ULK4: variants seen among roughly 807,000 people sequenced by gnomAD.
The protein encoded by ULK4 is unc-51 like kinase 4.
In ULK4, 133 loss-of-function variants were observed where a neutral mutation model predicts 160.6. The observed-to-expected ratio is 0.83, with a 90% CI of 0.72 to 0.96. ULK4 has a LOEUF of 0.96. Among genes scored for constraint, ULK4 ranks in the 40% least tolerant of loss-of-function variants. ULK4 has a pLI of 0.00. For missense variants in ULK4, 1,580 were observed against 1,499.5 expected (o/e 1.05, Z -0.89); for synonymous variants, 534 against 539.8 (o/e 0.99, Z 0.15).
At chr3:41,588,950 T>G (rs956058525) in intron 31 of ULK4, among the ~76,000 whole-genome samples, 62 of 152,148 alleles carry the variant, frequency 4.1e-4, no homozygotes, top group African/African-American at 1.4e-3. Context: ...CCAGCTAGTG[T>G]TGTTGATGTT....
At chr3:41,591,800 C>G (rs2031329139) in intron 31 of ULK4, among the ~76,000 whole-genome samples, 1 of 152,098 alleles carries the variant, frequency 6.6e-6, no homozygotes, top group South Asian at 2.1e-4. Context: ...TTAGGCAGCC[C>G]CCACGTTGCA....
chr3:41,568,832 G>A (rs1575427515), intron 31 of ULK4, among the ~76,000 whole-genome samples: 2 of 152,084 alleles, frequency 1.3e-5, no homozygotes, highest in South Asian at 2.1e-4. Context: ...CCCATAGGGC[G>A]AGGGCTCAGT....
Position 41,560,915 on chromosome 3 carries a change from T to C in ULK4, c.3226+5110A>G, listed in dbSNP as rs569065665. Among the ~76,000 whole-genome samples the C allele has an allele frequency of 5.3e-5, 8 of 152,344 alleles. No individual in the cohort carries two copies. In the East Asian group the frequency reaches 1.2e-3, roughly 22 times the overall value. On this transcript the variant is annotated intron_variant, in intron 32 of 36. Transcript: ENST00000301831. ...CAAACACTATGTTGAACAGGAATGG[T>C]GAGAGAAGGCATCCTTGTCTTGTGC...
chr3:41,696,991 C>A (rs1281175247), intron 27 of ULK4, among the ~76,000 whole-genome samples: 1 of 152,146 alleles, frequency 6.6e-6, no homozygotes, highest in Admixed American at 6.5e-5. Flanking sequence ...CTTAGAGCCT[C>A]TGGAAGGAAC....
intron 18 of ULK4, among the ~76,000 whole-genome samples, chr3:41,825,756 T>A (rs576946032): frequency 6.6e-5 from 10 of 152,090 alleles, no homozygotes; most frequent in Admixed American, 4.6e-4. Context: ...TCCAGGAGAA[T>A]TTCCCCAATC....
At chr3:41,585,138 C>A (rs1227092433) in intron 31 of ULK4, among the ~76,000 whole-genome samples, 1 of 151,990 alleles carries the variant, frequency 6.6e-6, no homozygotes, top group Middle Eastern at 3.2e-3. Context: ...ATTCCAATGG[C>A]ATGTTTTTGT....
At chr3:41,711,327 C>A (rs2037089157) in intron 25 of ULK4, among the ~76,000 whole-genome samples, 1 of 152,124 alleles carries the variant, frequency 6.6e-6, no homozygotes, top group Non-Finnish European at 1.5e-5. Context: ...AGACCACCCA[C>A]CCTGAGCTAG....
chr3:41,386,816 T>A (rs979967793), intron 35 of ULK4, among the ~76,000 whole-genome samples: 1 of 152,166 alleles, frequency 6.6e-6, no homozygotes, highest in African/African-American at 2.4e-5. Flanking sequence ...AAATGAGACA[T>A]GTTCAGATGG....
At chr3:41,679,534 T>C (rs975934970) in intron 29 of ULK4, among the ~76,000 whole-genome samples, 6 of 152,254 alleles carry the variant, frequency 3.9e-5, no homozygotes, top group East Asian at 1.9e-4. Flanking sequence ...ATTTATGTTA[T>C]TGAACTGCCA....
intron 35 of ULK4, among the ~76,000 whole-genome samples, chr3:41,368,925 T>G (rs2081306931): frequency 6.6e-6 from 1 of 152,202 alleles, no homozygotes; most frequent in African/African-American, 2.4e-5. Context: ...TCAAAAATAG[T>G]ACATCAAACT....
chr3:41,420,387 T>C (rs948986569), intron 34 of ULK4, among the ~76,000 whole-genome samples: 1 of 151,792 alleles, frequency 6.6e-6, no homozygotes, highest in African/African-American at 2.4e-5. Context: ...AATCATGACT[T>C]GTATTTTCTT....
intron 32 of ULK4, among the ~76,000 whole-genome samples, chr3:41,463,637 T>G (rs1191925375): frequency 6.6e-6 from 1 of 152,206 alleles, no homozygotes; most frequent in East Asian, 1.9e-4. Flanking sequence ...AGGGCCACAG[T>G]GAACCCAGTG....
At chr3:41,269,205 G>T (rs1409047911) in intron 35 of ULK4, among the ~76,000 whole-genome samples, 1 of 152,052 alleles carries the variant, frequency 6.6e-6, no homozygotes, top group Non-Finnish European at 1.5e-5. Context: ...TGTATTTAGG[G>T]TATAATCACT....
rs147474793 is a variant in ULK4 at position 41,717,821 on chromosome 3, G to T, written c.2362C>A (p.Pro788Thr). 6.2e-7 allele frequency: 1 copy of T among 1,614,090 alleles called. No individual in the cohort carries two copies. ...TTGCCACTTTGCTGCTCCTTGCCTGGAGTGGTCTTTCTGCTGTCTCTCTCG... is the reference window on the plus strand; with the variant it reads ...TTGCCACTTTGCTGCTCCTTGCCTGTAGTGGTCTTTCTGCTGTCTCTCTCG... Reference protein sequence around the residue: ...YIERDSRKTTPGKEQQSGNEY... With the variant: ...YIERDSRKTTTGKEQQSGNEY... The change falls in exon 23 of 37, where the codon CCA becomes ACA. Residue 788 changes from proline (P) to threonine (T), a missense_variant. Physicochemically the swap from Pro to Thr is conservative, Grantham distance 38. Coordinates refer to ENST00000301831, the MANE Select transcript of ULK4 (RefSeq NM_017886.4).
At chr3:41,465,469 A>T (rs1423710958) in intron 32 of ULK4, among the ~76,000 whole-genome samples, 1 of 152,198 alleles carries the variant, frequency 6.6e-6, no homozygotes, top group African/African-American at 2.4e-5. Context: ...ACTGTCTCAA[A>T]ACTATTTTTT....
chr3:41,433,117 T>C (rs953755250), intron 34 of ULK4, among the ~76,000 whole-genome samples: 10 of 152,174 alleles, frequency 6.6e-5, no homozygotes, highest in African/African-American at 2.4e-4. Context: ...AGCCTATTAA[T>C]ATACAAAGAG....
At chr3:41,727,381 G>A (rs1426274526) in intron 22 of ULK4, among the ~76,000 whole-genome samples, 2 of 152,168 alleles carry the variant, frequency 1.3e-5, no homozygotes, top group South Asian at 2.1e-4. Flanking sequence ...GAAACAGACA[G>A]CAAACAAGCA....
intron 21 of ULK4, among the ~76,000 whole-genome samples, chr3:41,767,258 T>A (rs2039197952): frequency 6.6e-6 from 1 of 152,228 alleles, no homozygotes. Context: ...ACAAAAACTC[T>A]GCAAAATACC....
intron 22 of ULK4, among the ~76,000 whole-genome samples, chr3:41,753,865 G>A (rs1454850510): frequency 6.6e-6 from 1 of 152,134 alleles, no homozygotes; most frequent in African/African-American, 2.4e-5. Flanking sequence ...CACACTGCTG[G>A]GGAGGCCTCA....
Sources: allele counts gnomAD v4.1 joint callset (sites outside exome capture counted in the v4.1 genomes callset), GRCh38; gene constraint gnomAD v4.1.1; transcripts MANE v1.5; gene names NCBI Gene and HGNC (gene_info 2026-07-23, HGNC 2026-07-21).